GLIS3: variants seen among roughly 807,000 people sequenced by gnomAD.
The protein encoded by GLIS3 is GLIS family zinc finger 3.
A neutral mutation model predicts 78.6 loss-of-function variants in GLIS3; 53 were observed. That is an observed-to-expected ratio of 0.67 (90% confidence interval 0.54 to 0.85). The LOEUF (loss-of-function observed/expected upper bound fraction) is 0.85. GLIS3 is among the 40% of genes least tolerant of loss of function. The probability of loss-of-function intolerance (pLI) is 0.00; values close to 1 mark genes in which losing one functional copy is unlikely to be tolerated. For synonymous variants in GLIS3, 684 were observed against 509.9 expected (o/e 1.34, Z -4.60); for missense variants, 1,703 against 1,231.1 (o/e 1.38, Z -5.74).
the GLIS3 span, among the ~76,000 whole-genome samples, chr9:4,366,778 A>T: frequency 6.6e-6 from 1 of 152,192 alleles, no homozygotes; most frequent in African/African-American, 2.4e-5. Context: ...CAGGGACTGA[A>T]TTTACCAACC....
At chr9:4,116,463 A>G (rs1831646927) in intron 4 of GLIS3, among the ~76,000 whole-genome samples, 1 of 152,234 alleles carries the variant, frequency 6.6e-6, no homozygotes, top group Non-Finnish European at 1.5e-5. Flanking sequence ...AAAAATCACA[A>G]TGTGGTGCAT....
intron 2 of GLIS3, among the ~76,000 whole-genome samples, chr9:4,138,315 C>T (rs764159201): frequency 6.6e-6 from 1 of 152,162 alleles, no homozygotes; most frequent in African/African-American, 2.4e-5. Flanking sequence ...TAGGCTTGGT[C>T]CTAGGCCGTA....
chr9:4,324,614 T>C (rs1292499891), intron 2 of GLIS3, among the ~76,000 whole-genome samples: 1 of 152,224 alleles, frequency 6.6e-6, no homozygotes, highest in Non-Finnish European at 1.5e-5. Flanking sequence ...ATTTAGATTC[T>C]GAAATATCTT....
chr9:4,084,873 T>C (rs997574072), intron 4 of GLIS3, among the ~76,000 whole-genome samples: 1 of 151,878 alleles, frequency 6.6e-6, no homozygotes, highest in African/African-American at 2.4e-5. Flanking sequence ...ATGCTTGGCA[T>C]TGTGTTCTTA....
At chr9:4,103,839 C>A (rs1317332940) in intron 4 of GLIS3, among the ~76,000 whole-genome samples, 1 of 152,134 alleles carries the variant, frequency 6.6e-6, no homozygotes, top group Non-Finnish European at 1.5e-5. Context: ...TGATGGCAGG[C>A]TAACTTGGAA....
chr9:4,267,959 G>GTA (rs1442488627), intron 2 of GLIS3, among the ~76,000 whole-genome samples: 1 of 151,896 alleles, frequency 6.6e-6, no homozygotes, highest in African/African-American at 2.4e-5. Flanking sequence ...GTGTGTGTGT[G>GTA]TGTGTGTGTG....
chr9:4,241,024 C>T (rs956555856), intron 2 of GLIS3, among the ~76,000 whole-genome samples: 4 of 152,012 alleles, frequency 2.6e-5, no homozygotes, highest in Admixed American at 2.6e-4. Flanking sequence ...TCTTAACGTG[C>T]ATTTATTATC....
At chr9:4,100,128 A>G (rs552266279) in intron 4 of GLIS3, among the ~76,000 whole-genome samples, 1 of 152,348 alleles carries the variant, frequency 6.6e-6, no homozygotes, top group East Asian at 1.9e-4. Flanking sequence ...AATCTGACTT[A>G]GTTTTCTTTC....
At chr9:3,866,431 A>G (rs1820588342) in intron 8 of GLIS3, among the ~76,000 whole-genome samples, 1 of 152,302 alleles carries the variant, frequency 6.6e-6, no homozygotes, top group Non-Finnish European at 1.5e-5. Flanking sequence ...ACTGCACTCC[A>G]GCCTGGGCAA....
chr9:3,909,290 T>A (rs186723078), intron 6 of GLIS3, among the ~76,000 whole-genome samples: 4 of 152,364 alleles, frequency 2.6e-5, no homozygotes, highest in Non-Finnish European at 2.9e-5. Context: ...CAATTAATTT[T>A]CAGTTGAACC....
chr9:3,969,214 T>C (rs1169641347), intron 4 of GLIS3, among the ~76,000 whole-genome samples: 2 of 152,238 alleles, frequency 1.3e-5, no homozygotes, highest in Admixed American at 1.3e-4. Context: ...AGACGATTAA[T>C]TTGTCAGCAC....
At chr9:4,116,390 T>C (rs955443639) in intron 4 of GLIS3, among the ~76,000 whole-genome samples, 4 of 152,358 alleles carry the variant, frequency 2.6e-5, no homozygotes, top group East Asian at 1.9e-4. Flanking sequence ...TGGAAAGTAA[T>C]TATTCTTTTC....
chr9:4,159,878 A>G (rs569925271), intron 2 of GLIS3, among the ~76,000 whole-genome samples: 29 of 152,326 alleles, frequency 1.9e-4, no homozygotes, highest in Middle Eastern at 3.4e-3. Context: ...AGGGTTTCCA[A>G]AGTAACTCAG....
chr9:4,395,464 T>C, the GLIS3 span, among the ~76,000 whole-genome samples: 1 of 152,298 alleles, frequency 6.6e-6, no homozygotes, highest in Non-Finnish European at 1.5e-5. Context: ...CTGAGATACC[T>C]GGTGGTGTCT....
chr9:4,458,533 T>C, the GLIS3 span, among the ~76,000 whole-genome samples: 1 of 152,178 alleles, frequency 6.6e-6, no homozygotes, highest in African/African-American at 2.4e-5. Flanking sequence ...CTCACTCCTG[T>C]AATCCCAGCA....
chr9:4,416,280 G>C, the GLIS3 span, among the ~76,000 whole-genome samples: 1 of 71,554 alleles, frequency 1.4e-5, no homozygotes, highest in Non-Finnish European at 2.7e-5. Flanking sequence ...AAAAAAAAAA[G>C]CATGCAAATT....
At chr9:4,404,215 A>G in the GLIS3 span, among the ~76,000 whole-genome samples, 4 of 152,342 alleles carry the variant, frequency 2.6e-5, no homozygotes, top group African/African-American at 9.6e-5. Context: ...GCAACCCGAT[A>G]TATAAAGCAA....
At chr9:4,363,838 C>G in the GLIS3 span, among the ~76,000 whole-genome samples, 1 of 152,206 alleles carries the variant, frequency 6.6e-6, no homozygotes, top group African/African-American at 2.4e-5. Context: ...CCCACAAGAG[C>G]TGGATGGCTG....
intron 2 of GLIS3, among the ~76,000 whole-genome samples, chr9:4,228,125 G>T (rs1214439655): frequency 2.9e-5 from 4 of 140,264 alleles, no homozygotes; most frequent in African/African-American, 5.7e-5. Flanking sequence ...TGTTGTCAGG[G>T]AATACAAATA....
Sources: gnomAD v4.1 joint callset for allele counts (sites outside exome capture counted in the v4.1 genomes callset) on GRCh38, gnomAD v4.1.1 for gene constraint, MANE v1.5 for transcripts, NCBI Gene and HGNC (gene_info 2026-07-23, HGNC 2026-07-21) for gene names.